The following ZNF423 variants were observed in gnomAD, a reference collection of about 807,000 sequenced individuals.
ZNF423 encodes the protein zinc finger protein 423.
Under a neutral mutation model 95.8 loss-of-function variants are expected in ZNF423, and 12 were observed. The ratio of observed to expected loss-of-function variants is 0.13; its 90% CI spans 0.08 to 0.20. ZNF423 has a LOEUF of 0.20. Ranked by LOEUF, ZNF423 falls within the 10% of genes least tolerant of loss-of-function variation. The pLI is 1.00. For synonymous variants in ZNF423, 749 were observed against 711.9 expected (o/e 1.05, Z -0.83); for missense variants, 1,316 against 1,737.1 (o/e 0.76, Z 4.31).
In ZNF423 at chr16:49,637,436, G is replaced by A. The variant is rs745830262; in HGVS notation, c.1740C>T (p.Pro580=). The A allele has an allele frequency of 1.9e-6, 3 of 1,614,118 alleles. No individual in the cohort carries two copies. Among genetic ancestry groups the A allele is most frequent in the South Asian group, 2.2e-5 (2 of 91,068 alleles). Residue 580 remains proline (P), a synonymous_variant, in exon 4 of 8, where the codon CCC becomes CCT. Coordinates refer to ENST00000563137, the MANE Select transcript of ZNF423 (RefSeq NM_001379286.1). This position sits in a 1 kb window ranked among gnomAD's most constrained non-coding sequence, Gnocchi z 5.6. ...TGAGTTTCAGGATGGAGCCAAAGAT[G>A]GGGGAGTTGGTGCAGTAGGGGCAGG... The part of the protein sequence containing the change: ...VYSCPYCTNS[P]IFGSILKLTK...
intron 7 of ZNF423, among the ~76,000 whole-genome samples, chr16:49,507,160 T>G (rs1402059355): frequency 6.6e-6 from 1 of 152,218 alleles, no homozygotes; most frequent in East Asian, 1.9e-4. Context: ...CCTCATTGCC[T>G]TGTTAGAAGC....
Position 49,637,067 on chromosome 16 carries a change from C to T in ZNF423, c.2109G>A (p.Glu703=). Residue 703 remains glutamate (E), a synonymous_variant, in exon 4 of 8, where the codon GAG becomes GAA. Coordinates refer to ENST00000563137, the MANE Select transcript of ZNF423 (RefSeq NM_001379286.1). This position sits in a 1 kb window ranked among gnomAD's most constrained non-coding sequence, Gnocchi z 5.6. ...YMTTSTHYVC[E]SCDKQFSSVD... The stretch of plus-strand genomic sequence containing the variant: ...CCGAGGAAAATTGCTTGTCGCAGCT[C>T]TCGCACACATAGTGGGTCGACGTGG... 6 of 1,613,866 alleles carry T rather than the reference C, an allele frequency of 3.7e-6. No homozygotes were observed. The highest frequency in any genetic ancestry group is 5.1e-6 in the Non-Finnish European group (6 of 1,180,032).
chr16:49,811,629 G>A (rs1257000069), intron 1 of ZNF423, among the ~76,000 whole-genome samples: 1 of 152,136 alleles, frequency 6.6e-6, no homozygotes, highest in Non-Finnish European at 1.5e-5. Flanking sequence ...CAGGGCAAAC[G>A]AGGCTACTGA....
intron 5 of ZNF423, among the ~76,000 whole-genome samples, chr16:49,590,978 G>C (rs561556978): frequency 6.6e-6 from 1 of 152,216 alleles, no homozygotes. Flanking sequence ...AATTTAAACT[G>C]TGGCACTTCT....
At chr16:49,505,729 G>C (rs990999556) in intron 7 of ZNF423, among the ~76,000 whole-genome samples, 1 of 152,246 alleles carries the variant, frequency 6.6e-6, no homozygotes, top group African/African-American at 2.4e-5. Context: ...CTGGCACCCA[G>C]CAAAGGGTGA....
intron 5 of ZNF423, among the ~76,000 whole-genome samples, chr16:49,547,212 G>C (rs964780197): frequency 2.6e-5 from 4 of 152,016 alleles, no homozygotes; most frequent in Non-Finnish European, 5.9e-5. Flanking sequence ...TTCTGCTTGT[G>C]AAAAACACTC....
intron 1 of ZNF423, among the ~76,000 whole-genome samples, chr16:49,800,915 C>A (rs919588534): frequency 6.6e-6 from 1 of 152,146 alleles, no homozygotes; most frequent in Non-Finnish European, 1.5e-5. Flanking sequence ...CAGCCATTCA[C>A]CCCTCGTTCT....
At chr16:49,698,291 ATC>A (rs2032049221) in intron 3 of ZNF423, among the ~76,000 whole-genome samples, 1 of 151,256 alleles carries the variant, frequency 6.6e-6, no homozygotes, top group Non-Finnish European at 1.5e-5. Flanking sequence ...TGTGCTGATT[ATC>A]TGAGTGTGCA....
At chr16:49,748,736 A>T (rs894680849) in intron 2 of ZNF423, among the ~76,000 whole-genome samples, 14 of 152,170 alleles carry the variant, frequency 9.2e-5, no homozygotes, top group Non-Finnish European at 2.1e-4. Flanking sequence ...ATGGGAAAGT[A>T]TCTTGATGGG....
chr16:49,768,571 C>T (rs763683612), intron 2 of ZNF423, among the ~76,000 whole-genome samples: 2 of 152,094 alleles, frequency 1.3e-5, no homozygotes, highest in Admixed American at 6.5e-5. Context: ...GGGACCTGCC[C>T]GCTCCCAGTT....
At chr16:49,700,010 G>A (rs904736564) in intron 3 of ZNF423, among the ~76,000 whole-genome samples, 22 of 152,170 alleles carry the variant, frequency 1.4e-4, no homozygotes, top group African/African-American at 5.3e-4. Context: ...GGGGCGAGGG[G>A]CTGGGCTAGA....
intron 5 of ZNF423, among the ~76,000 whole-genome samples, chr16:49,612,761 G>GAATTGAATAAACTCA: frequency 6.6e-6 from 1 of 152,128 alleles, no homozygotes; most frequent in South Asian, 2.1e-4. Flanking sequence ...CAGATGGCAT[G>GAATTGAATAAACTCA]ATTGTCTATG....
chr16:49,831,687 C>T (rs2035062567), intron 1 of ZNF423, among the ~76,000 whole-genome samples: 1 of 152,108 alleles, frequency 6.6e-6, no homozygotes, highest in Non-Finnish European at 1.5e-5. Context: ...GAGCGCTGCA[C>T]AGTGAAGAAA....
At chr16:49,738,796 A>G (rs1396116938) in intron 2 of ZNF423, among the ~76,000 whole-genome samples, 1 of 152,032 alleles carries the variant, frequency 6.6e-6, no homozygotes, top group African/African-American at 2.4e-5. Flanking sequence ...TTCTTCTCCC[A>G]ATCAGATTTG....
At chr16:49,569,800 G>A (rs575058039) in intron 5 of ZNF423, among the ~76,000 whole-genome samples, 4 of 152,288 alleles carry the variant, frequency 2.6e-5, no homozygotes, top group South Asian at 4.2e-4. Context: ...ACATGTATTG[G>A]GAGTTTTACT....
intron 2 of ZNF423, among the ~76,000 whole-genome samples, chr16:49,736,654 G>A (rs1017910425): frequency 2.0e-5 from 3 of 152,138 alleles, no homozygotes; most frequent in African/African-American, 7.2e-5. Flanking sequence ...AATCAGCCAG[G>A]CATGGTGGTG....
In ZNF423 at chr16:49,855,259, C is replaced by T. The variant is rs896191552; in HGVS notation, c.40+476G>A. Among the ~76,000 whole-genome samples, 1 of 151,270 alleles carries T rather than the reference C, an allele frequency of 6.6e-6. No individual in the cohort carries two copies. Among genetic ancestry groups the T allele is most frequent in the Non-Finnish European group, 1.5e-5 (1 of 67,676 alleles). On this transcript the variant is annotated intron_variant, in intron 1 of 7. Transcript: ENST00000563137. The surrounding 1 kb of genome is among the most constrained non-coding windows in gnomAD (Gnocchi z 4.7). ...GGGGCCAGAGAGAGCCAGCGAGGCC[C>T]GGGGCCAGCGAGGAGCGGTCGGCCT...
chr16:49,671,076 A>G (rs2030785498), intron 3 of ZNF423, among the ~76,000 whole-genome samples: 1 of 152,242 alleles, frequency 6.6e-6, no homozygotes, highest in Non-Finnish European at 1.5e-5. Flanking sequence ...ATGCAGCTGC[A>G]GTTCCACACT....
intron 7 of ZNF423, among the ~76,000 whole-genome samples, chr16:49,510,940 G>A (rs1369006858): frequency 6.6e-6 from 1 of 152,216 alleles, no homozygotes; most frequent in Non-Finnish European, 1.5e-5. Context: ...AAGTTGGTTG[G>A]CCCCCTGCCC....
Sources: gnomAD v4.1 joint callset for allele counts (sites outside exome capture counted in the v4.1 genomes callset) on GRCh38, gnomAD v4.1.1 for gene constraint, Gnocchi (gnomAD v3.1) non-coding constraint, MANE v1.5 for transcripts, NCBI Gene and HGNC (gene_info 2026-07-23, HGNC 2026-07-21) for gene names.